CFAP20DC: variants seen among roughly 807,000 people sequenced by gnomAD.
CFAP20DC encodes protein CFAP20DC.
A neutral mutation model predicts 101.7 loss-of-function variants in CFAP20DC; 84 were observed. The observed-to-expected ratio is 0.83, with a 90% confidence interval of 0.69 to 0.99. CFAP20DC has a LOEUF of 0.99. CFAP20DC is among the 50% of genes least tolerant of loss of function. CFAP20DC has a pLI of 0.00. For synonymous variants in CFAP20DC, 359 were observed against 351.2 expected (o/e 1.02, Z -0.25); for missense variants, 1,007 against 970.3 (o/e 1.04, Z -0.50).
intron 6 of CFAP20DC, among the ~76,000 whole-genome samples, chr3:58,891,193 C>T (rs1196048475): frequency 1.2e-4 from 19 of 152,062 alleles, no homozygotes; most frequent in Admixed American, 7.9e-4. Context: ...GAGGCCGAGG[C>T]TGGCGGATCA....
At position 58,912,259 on chromosome 3, in the gene CFAP20DC, A is replaced by G. The variant is rs545881652; in HGVS notation, c.550+1449T>C. ...TTAATCAGGTTATGATTCACCTCCTATGATCTGATGTACACTGCACAAATA... is the reference window on the plus strand; with the variant it reads ...TTAATCAGGTTATGATTCACCTCCTGTGATCTGATGTACACTGCACAAATA... On this transcript the variant is annotated intron_variant, in intron 6 of 16. Coordinates refer to ENST00000482387, the MANE Select transcript of CFAP20DC (RefSeq NM_001394063.1). The surrounding 1 kb of genome is among the most constrained non-coding windows in gnomAD (Gnocchi z 4.4). Among the ~76,000 whole-genome samples the G allele has an allele frequency of 6.6e-6, 1 of 152,232 alleles. No homozygotes were observed. Among genetic ancestry groups the G allele is most frequent in the East Asian group, 1.9e-4 (1 of 5,190 alleles).
intron 4 of CFAP20DC, among the ~76,000 whole-genome samples, chr3:59,021,423 A>T (rs888605092): frequency 6.6e-6 from 1 of 152,086 alleles, no homozygotes; most frequent in African/African-American, 2.4e-5. Flanking sequence ...GAGAAAAATA[A>T]GTTCTAAGGT....
chr3:59,034,876 A>G (rs1001166997), intron 4 of CFAP20DC, among the ~76,000 whole-genome samples: 2 of 152,200 alleles, frequency 1.3e-5, no homozygotes, highest in African/African-American at 2.4e-5. Context: ...GCCACCCCAA[A>G]TCAACAGAAT....
At chr3:58,802,158 G>A (rs2073757092) in intron 15 of CFAP20DC, among the ~76,000 whole-genome samples, 1 of 152,122 alleles carries the variant, frequency 6.6e-6, no homozygotes, top group African/African-American at 2.4e-5. Flanking sequence ...TCATTCCTGA[G>A]CAGGAATATC....
rs534134744 is a variant in CFAP20DC at position 58,817,578 on chromosome 3, G to A, written c.2176-11122C>T. Among the ~76,000 whole-genome samples, 13 of 143,438 alleles carry A rather than the reference G, an allele frequency of 9.1e-5. No individual in the cohort carries two copies. The South Asian group carries it at 3.0e-3, about 33-fold the overall frequency. 94.1% of individuals were successfully genotyped at this position (143,438 alleles called of 152,430 possible). Reference sequence around the variant, plus strand: ...AAATGAATGAAATGAAGCGAGAAGGGAAGTTTAGAGAAAAAAGAATAAAAA... The same window carrying A: ...AAATGAATGAAATGAAGCGAGAAGGAAAGTTTAGAGAAAAAAGAATAAAAA... On this transcript the variant is annotated intron_variant, in intron 14 of 16. Coordinates refer to ENST00000482387, the MANE Select transcript of CFAP20DC (RefSeq NM_001394063.1).
At chr3:58,959,018 C>T (rs1259800859) in intron 4 of CFAP20DC, among the ~76,000 whole-genome samples, 1 of 152,114 alleles carries the variant, frequency 6.6e-6, no homozygotes, top group South Asian at 2.1e-4. Context: ...TATCTACAAA[C>T]CCCTTCACTA....
At chr3:58,772,372 C>A (rs960336504) in intron 15 of CFAP20DC, among the ~76,000 whole-genome samples, 11 of 152,020 alleles carry the variant, frequency 7.2e-5, no homozygotes, top group Non-Finnish European at 1.5e-4. Flanking sequence ...AATGCTTGAG[C>A]TTGTATATAA....
intron 12 of CFAP20DC, among the ~76,000 whole-genome samples, chr3:58,850,385 G>A (rs759369969): frequency 3.4e-4 from 51 of 152,016 alleles, no homozygotes; most frequent in African/African-American, 1.1e-3. Flanking sequence ...TCGGGAGTTC[G>A]AGACCAGCCT....
At chr3:59,021,315 T>C (rs2093798424) in intron 4 of CFAP20DC, among the ~76,000 whole-genome samples, 1 of 152,082 alleles carries the variant, frequency 6.6e-6, no homozygotes, top group Non-Finnish European at 1.5e-5. Context: ...CGAAGTATAA[T>C]AGATCTGACT....
At chr3:58,798,687 A>C (rs182393545) in intron 15 of CFAP20DC, among the ~76,000 whole-genome samples, 1 of 152,344 alleles carries the variant, frequency 6.6e-6, no homozygotes, top group East Asian at 1.9e-4. Context: ...GTCTTTCACG[A>C]AAGGAAGAGT....
chr3:58,716,682 C>T (rs572768872), downstream of CFAP20DC, among the ~76,000 whole-genome samples: 8 of 152,270 alleles, frequency 5.3e-5, no homozygotes, highest in East Asian at 1.4e-3. Flanking sequence ...AGGTTCCAAG[C>T]AGCATCCCTA....
intron 3 of CFAP20DC, among the ~76,000 whole-genome samples, chr3:58,730,031 A>AG (rs1229213836): frequency 6.6e-6 from 1 of 151,688 alleles, no homozygotes; most frequent in Non-Finnish European, 1.5e-5. Flanking sequence ...AAAAAAAAAA[A>AG]AAAAAAAAGA....
chr3:58,775,131 T>G (rs2071206440), intron 15 of CFAP20DC, among the ~76,000 whole-genome samples: 1 of 152,152 alleles, frequency 6.6e-6, no homozygotes, highest in African/African-American at 2.4e-5. Flanking sequence ...GTTTTATACA[T>G]TTTAAGGAGA....
chr3:58,795,098 G>A lies in CFAP20DC; in HGVS notation c.2237+11297C>T, dbSNP rs1197600805. On this transcript the variant is annotated intron_variant, in intron 15 of 16. Transcript: ENST00000482387. This position sits in a 1 kb window ranked among gnomAD's most constrained non-coding sequence, Gnocchi z 4.2. ...CCCCACCTCCAGACAGAATGGAGGTGATTGTTATAAACTAGAATTAGTACT... is the reference window on the plus strand; with the variant it reads ...CCCCACCTCCAGACAGAATGGAGGTAATTGTTATAAACTAGAATTAGTACT... 6.6e-6 allele frequency among the ~76,000 whole-genome samples: 1 copy of A among 152,186 alleles called. No individual in the cohort carries two copies. The highest frequency in any genetic ancestry group is 1.9e-4 in the East Asian group (1 of 5,194).
chr3:58,818,300 T>G (rs965853093), intron 14 of CFAP20DC, among the ~76,000 whole-genome samples: 18 of 149,820 alleles, frequency 1.2e-4, no homozygotes, highest in East Asian at 4.0e-4. Flanking sequence ...ATATTAACTT[T>G]AAATGTAAAT....
At chr3:59,021,972 C>A (rs781245914) in intron 4 of CFAP20DC, among the ~76,000 whole-genome samples, 33 of 151,920 alleles carry the variant, frequency 2.2e-4, no homozygotes, top group Non-Finnish European at 3.8e-4. Flanking sequence ...ATCAAATGAT[C>A]ATTAAAATAA....
chr3:58,812,847 T>C (rs1399669602), intron 14 of CFAP20DC, among the ~76,000 whole-genome samples: 1 of 151,918 alleles, frequency 6.6e-6, no homozygotes, highest in Non-Finnish European at 1.5e-5. Context: ...TCATAGCATC[T>C]ATGATGTAAT....
intron 13 of CFAP20DC, among the ~76,000 whole-genome samples, chr3:58,842,696 C>T (rs570092826): frequency 1.3e-5 from 2 of 152,344 alleles, no homozygotes; most frequent in South Asian, 2.1e-4. Flanking sequence ...ACTGTAGGCT[C>T]CACCTCTGGG....
chr3:58,742,085 T>C lies in CFAP20DC; in HGVS notation c.*375A>G. 1.0e-6 allele frequency: 1 copy of C among 968,918 alleles called. No individual in the cohort carries two copies. Among genetic ancestry groups the C allele is most frequent in the South Asian group, 4.8e-5 (1 of 20,912 alleles). 60.0% of individuals were successfully genotyped at this position (968,918 alleles called of 1,614,324 possible). On this transcript the variant is annotated 3_prime_UTR_variant, in exon 17 of 17. Coordinates refer to ENST00000482387, the MANE Select transcript of CFAP20DC (RefSeq NM_001394063.1). ...TACCCAGGCATCTTTTAAGCAAAAA[T>C]ACATTTTCTGTACATCAAGCCATCA...
Sources: gnomAD v4.1 joint callset for allele counts (sites outside exome capture counted in the v4.1 genomes callset) on GRCh38, gnomAD v4.1.1 for gene constraint, Gnocchi (gnomAD v3.1) non-coding constraint, MANE v1.5 for transcripts, NCBI Gene and HGNC (gene_info 2026-07-23, HGNC 2026-07-21) for gene names.